CNTN1: variants seen among roughly 807,000 people sequenced by gnomAD.
The protein encoded by CNTN1 is contactin-1.
Under a neutral mutation model 126.4 loss-of-function variants are expected in CNTN1, and 38 were observed. The ratio of observed to expected loss-of-function variants is 0.30; its 90% CI spans 0.23 to 0.39. CNTN1 has a LOEUF of 0.39. Among genes scored for constraint, CNTN1 ranks in the 10% least tolerant of loss-of-function variants. The pLI is 1.00. For synonymous variants in CNTN1, 413 were observed against 422.6 expected (o/e 0.98, Z 0.28); for missense variants, 1,009 against 1,248.4 (o/e 0.81, Z 2.89).
At chr12:40,882,431 T>C (rs1161059159) in intron 1 of CNTN1, among the ~76,000 whole-genome samples, 27 of 151,750 alleles carry the variant, frequency 1.8e-4, no homozygotes, top group Non-Finnish European at 3.0e-5. Context: ...GTCATTCCAG[T>C]ATGAAAATAA....
intron 1 of CNTN1, among the ~76,000 whole-genome samples, chr12:40,819,914 T>C (rs1243013021): frequency 6.6e-6 from 1 of 152,158 alleles, no homozygotes; most frequent in Non-Finnish European, 1.5e-5. Context: ...GGGAGGGGGT[T>C]CCCCTTCCTT....
At chr12:41,051,251 C>T (rs566530853) in intron 23 of CNTN1, among the ~76,000 whole-genome samples, 1 of 150,848 alleles carries the variant, frequency 6.6e-6, no homozygotes, top group African/African-American at 2.4e-5. Flanking sequence ...AGGTTCACGC[C>T]ATTCTCCTGC....
At chr12:40,878,529 C>G (rs1218593888) in intron 1 of CNTN1, among the ~76,000 whole-genome samples, 1 of 152,154 alleles carries the variant, frequency 6.6e-6, no homozygotes, top group East Asian at 1.9e-4. Context: ...TTATCCAGAA[C>G]TCACATGAGG....
intron 1 of CNTN1, among the ~76,000 whole-genome samples, chr12:40,712,238 A>G (rs1845933127): frequency 6.6e-6 from 1 of 152,062 alleles, no homozygotes; most frequent in South Asian, 2.1e-4. Flanking sequence ...TTCTTGGAAA[A>G]AACTTTTGAT....
rs1441217473 is a variant in CNTN1 at position 40,929,948 on chromosome 12, T to C, written c.649T>C (p.Ser217Pro). 2.5e-6 allele frequency: 4 copies of C among 1,612,906 alleles called. No individual in the cohort carries two copies. ...GNYSCFVSSP[S>P]ITKSVFSKFI... ...TTATTCCTGCTTTGTTTCCAGTCCT[T>C]CTATTACAAAGAGCGTGTTCAGCAA... is the stretch of plus-strand genomic sequence containing the variant. The change falls in exon 7 of 24, where the codon TCT becomes CCT. Residue 217 changes from serine (S) to proline (P), a missense_variant. Coordinates refer to ENST00000551295, the MANE Select transcript of CNTN1 (RefSeq NM_001843.4).
At chr12:40,971,802 T>C in intron 15 of CNTN1, 5 of 1,175,854 alleles carry the variant, frequency 4.3e-6, no homozygotes, top group Non-Finnish European at 5.3e-6. Context: ...TCTTTGAAAT[T>C]ATATAGCCCA....
chr12:40,975,096 C>G (rs1947633469), intron 15 of CNTN1, among the ~76,000 whole-genome samples: 1 of 150,004 alleles, frequency 6.7e-6, no homozygotes, highest in South Asian at 2.1e-4. Flanking sequence ...GTCTTTGATC[C>G]CATCTCTGTA....
chr12:41,022,749 T>A (rs550198597), intron 20 of CNTN1, among the ~76,000 whole-genome samples: 128 of 152,304 alleles, frequency 8.4e-4, no homozygotes, highest in African/African-American at 2.9e-3. Context: ...TTATCCCTAT[T>A]TTAGAGATGA....
intron 1 of CNTN1, among the ~76,000 whole-genome samples, chr12:40,752,186 G>T (rs76939565): frequency 6.6e-6 from 1 of 152,022 alleles, no homozygotes; most frequent in Non-Finnish European, 1.5e-5. Flanking sequence ...GTATGGTCAC[G>T]TGTTTATAAT....
intron 1 of CNTN1, among the ~76,000 whole-genome samples, chr12:40,736,053 G>A (rs986726811): frequency 8.6e-5 from 13 of 151,954 alleles, no homozygotes; most frequent in Admixed American, 3.9e-4. Context: ...AAGACATGCT[G>A]GCCTCATACA....
intron 1 of CNTN1, among the ~76,000 whole-genome samples, chr12:40,906,676 TTTGTTTTG>T (rs1244374853): frequency 3.0e-5 from 4 of 134,842 alleles, no homozygotes; most frequent in African/African-American, 8.2e-5. Context: ...ATGCTTTTTT[TTTGTTTTG>T]TTTTTTTTGA....
intron 1 of CNTN1, among the ~76,000 whole-genome samples, chr12:40,747,299 GAAGGGA>G (rs1938222837): frequency 7.6e-6 from 1 of 130,864 alleles, no homozygotes; most frequent in African/African-American, 3.0e-5. Flanking sequence ...AATATTTTGT[GAAGGGA>G]TGTGTGTGTG....
At chr12:40,995,746 TA>T (rs956524858) in intron 17 of CNTN1, among the ~76,000 whole-genome samples, 21 of 150,538 alleles carry the variant, frequency 1.4e-4, no homozygotes, top group Non-Finnish European at 2.2e-4. Context: ...TTCTCAATTG[TA>T]AAAAAAAAAT....
chr12:40,934,338 G>A (rs1946006186), intron 9 of CNTN1, among the ~76,000 whole-genome samples: 1 of 151,864 alleles, frequency 6.6e-6, no homozygotes, highest in African/African-American at 2.4e-5. Context: ...TCTGTTAGGG[G>A]CTCATGAATT....
chr12:40,716,407 T>A (rs1225559228), intron 1 of CNTN1, among the ~76,000 whole-genome samples: 1 of 151,668 alleles, frequency 6.6e-6, no homozygotes, highest in African/African-American at 2.4e-5. Flanking sequence ...CTCCTTCTCC[T>A]TCTCCTCCTT....
At chr12:40,923,346 C>G (rs1320979997) in intron 5 of CNTN1, among the ~76,000 whole-genome samples, 1 of 152,052 alleles carries the variant, frequency 6.6e-6, no homozygotes, top group African/African-American at 2.4e-5. Context: ...TGTGATTTGT[C>G]AGCACTTAAA....
chr12:41,056,251 A>G (rs1949798726), intron 23 of CNTN1, among the ~76,000 whole-genome samples: 1 of 152,174 alleles, frequency 6.6e-6, no homozygotes, highest in South Asian at 2.1e-4. Flanking sequence ...CTTTGTTAAA[A>G]TAACACAATT....
chr12:40,959,757 T>C (rs1372544), intron 15 of CNTN1, among the ~76,000 whole-genome samples: 76,164 of 151,826 alleles, frequency 0.5, 19,164 homozygotes, highest in Middle Eastern at 0.6. Context: ...GGAATATACA[T>C]TTATTAAAAA....
chr12:41,006,035 T>G (rs1405831924), intron 17 of CNTN1, among the ~76,000 whole-genome samples: 2 of 152,232 alleles, frequency 1.3e-5, no homozygotes, highest in African/African-American at 4.8e-5. Flanking sequence ...AGGATTCTTT[T>G]TCATCTTTGT....
Sources: gnomAD v4.1 joint callset for allele counts (sites outside exome capture counted in the v4.1 genomes callset) on GRCh38, gnomAD v4.1.1 for gene constraint, MANE v1.5 for transcripts, NCBI Gene and HGNC (gene_info 2026-07-23, HGNC 2026-07-21) for gene names.